Variants in DSCAM observed in about 807,000 individuals in gnomAD.
The protein encoded by DSCAM is DS cell adhesion molecule, also known as cell adhesion molecule DSCAM.
Under a neutral mutation model 217.7 loss-of-function variants are expected in DSCAM, and 47 were observed. That is an observed-to-expected ratio of 0.22 (90% CI 0.17 to 0.28). DSCAM has a LOEUF of 0.28. Among genes scored for constraint, DSCAM ranks in the 10% least tolerant of loss-of-function variants. DSCAM has a pLI of 1.00. For synonymous variants in DSCAM, 1,056 were observed against 1,015.3 expected, an observed-to-expected ratio of 1.04 and a Z score of -0.76; for missense variants, 2,080 against 2,618.3, an observed-to-expected ratio of 0.79 and a Z score of 4.49.
intron 3 of DSCAM, among the ~76,000 whole-genome samples, chr21:40,569,752 G>A (rs2076792137): frequency 6.6e-6 from 1 of 152,146 alleles, no homozygotes; most frequent in Non-Finnish European, 1.5e-5. Flanking sequence ...CTTCAATTAT[G>A]AATAAATTAG....
intron 1 of DSCAM, among the ~76,000 whole-genome samples, chr21:40,832,548 C>T (rs1051027457): frequency 1.3e-5 from 2 of 152,082 alleles, no homozygotes; most frequent in African/African-American, 2.4e-5. Flanking sequence ...TCTTAGGATG[C>T]GGGAAGCTGG....
At chr21:40,306,632 A>T (rs1248230823) in intron 9 of DSCAM, among the ~76,000 whole-genome samples, 4 of 150,590 alleles carry the variant, frequency 2.7e-5, no homozygotes, top group Admixed American at 6.6e-5. Context: ...TACCTAATTT[A>T]TTGAGAGTTT....
intron 8 of DSCAM, among the ~76,000 whole-genome samples, chr21:40,326,473 C>T (rs1486460802): frequency 2.0e-5 from 3 of 152,152 alleles, no homozygotes; most frequent in Non-Finnish European, 4.4e-5. Flanking sequence ...AGTATTTAAA[C>T]AAATGGGGAC....
intron 3 of DSCAM, among the ~76,000 whole-genome samples, chr21:40,651,077 G>A (rs553312435): frequency 6.6e-6 from 1 of 152,222 alleles, no homozygotes; most frequent in East Asian, 1.9e-4. Flanking sequence ...TTGAGGTCTG[G>A]CCTGAAACAC....
chr21:40,449,231 T>C (rs1266615178), intron 3 of DSCAM, among the ~76,000 whole-genome samples: 1 of 152,194 alleles, frequency 6.6e-6, no homozygotes, highest in African/African-American at 2.4e-5. Context: ...CAAGGTCATT[T>C]AACTGCAGCT....
intron 27 of DSCAM, among the ~76,000 whole-genome samples, chr21:40,068,978 G>A (rs1453666719): frequency 1.3e-5 from 2 of 152,026 alleles, no homozygotes; most frequent in African/African-American, 4.8e-5. Context: ...CCAGCTACTT[G>A]GGAGGCTGAG....
At chr21:40,225,980 G>T (rs1220799440) in intron 11 of DSCAM, among the ~76,000 whole-genome samples, 2 of 152,166 alleles carry the variant, frequency 1.3e-5, no homozygotes, top group Non-Finnish European at 2.9e-5. Flanking sequence ...ATTCCCTTAT[G>T]GGTTTGATAA....
intron 24 of DSCAM, among the ~76,000 whole-genome samples, chr21:40,081,831 G>T (rs2089466362): frequency 6.6e-6 from 1 of 152,106 alleles, no homozygotes; most frequent in Non-Finnish European, 1.5e-5. Context: ...AGGAATGCTG[G>T]GTTACCTTTG....
chr21:40,330,743 C>A (rs143852288), intron 8 of DSCAM, among the ~76,000 whole-genome samples: 7 of 151,914 alleles, frequency 4.6e-5, no homozygotes, highest in South Asian at 2.1e-4. Context: ...TGCTTTCTTG[C>A]GTCATTTAAA....
chr21:40,596,668 C>T (rs2077023681), intron 3 of DSCAM, among the ~76,000 whole-genome samples: 1 of 152,114 alleles, frequency 6.6e-6, no homozygotes, highest in African/African-American at 2.4e-5. Context: ...AGATGACCTA[C>T]CTCCTGCACC....
At chr21:40,570,685 C>T (rs893535360) in intron 3 of DSCAM, among the ~76,000 whole-genome samples, 2 of 151,996 alleles carry the variant, frequency 1.3e-5, no homozygotes, top group East Asian at 1.9e-4. Flanking sequence ...GGGAAGCAAA[C>T]GGTGAAAGCA....
chr21:40,814,032 A>G (rs918017361), intron 1 of DSCAM, among the ~76,000 whole-genome samples: 5 of 152,200 alleles, frequency 3.3e-5, no homozygotes, highest in Admixed American at 3.3e-4. Flanking sequence ...GGTCTCTTGC[A>G]GTTTTCCAGT....
intron 3 of DSCAM, among the ~76,000 whole-genome samples, chr21:40,415,655 T>G (rs574038992): frequency 6.6e-5 from 10 of 152,318 alleles, no homozygotes; most frequent in Middle Eastern, 6.8e-3. Context: ...TCTGCAGAAC[T>G]GCACAAATGC....
chr21:40,270,785 G>T (rs1472265664), intron 11 of DSCAM, among the ~76,000 whole-genome samples: 2 of 151,878 alleles, frequency 1.3e-5, no homozygotes, highest in Non-Finnish European at 2.9e-5. Context: ...CTTGGGGCTG[G>T]GCTACTTCCT....
At chr21:40,114,560 A>C (rs1220366821) in intron 20 of DSCAM, among the ~76,000 whole-genome samples, 3 of 152,134 alleles carry the variant, frequency 2.0e-5, no homozygotes, top group Non-Finnish European at 2.9e-5. Context: ...AAAATTGACA[A>C]ATGGGATCTA....
chr21:40,245,880 G>A (rs9305695), intron 11 of DSCAM, among the ~76,000 whole-genome samples: 73,344 of 151,882 alleles, frequency 0.48, 18,266 homozygotes, highest in African/African-American at 0.59. Flanking sequence ...AAAACTAGGA[G>A]CTCCACAGCA....
intron 1 of DSCAM, among the ~76,000 whole-genome samples, chr21:40,764,129 A>G (rs1013387953): frequency 6.6e-6 from 1 of 152,210 alleles, no homozygotes; most frequent in Non-Finnish European, 1.5e-5. Context: ...CAGCTCAGCA[A>G]AAGAAACTAT....
At chr21:40,242,583 T>C (rs75927712) in intron 11 of DSCAM, among the ~76,000 whole-genome samples, 2,044 of 152,356 alleles carry the variant, frequency 0.013, 24 homozygotes, top group Non-Finnish European at 0.023. Context: ...AAGCACCATG[T>C]GTAGCCTTCA....
chr21:40,284,722 C>G (rs190217181), intron 10 of DSCAM, among the ~76,000 whole-genome samples: 2 of 152,120 alleles, frequency 1.3e-5, no homozygotes, highest in African/African-American at 2.4e-5. Flanking sequence ...CTTAAAGGGC[C>G]GCGCAGTTTG....
Sources: allele counts gnomAD v4.1 joint callset (sites outside exome capture counted in the v4.1 genomes callset), GRCh38; gene constraint gnomAD v4.1.1; transcripts MANE v1.5; gene names NCBI Gene and HGNC (gene_info 2026-07-23, HGNC 2026-07-21).